Variants in USP13 observed in about 807,000 individuals in gnomAD.
The protein encoded by USP13 is ubiquitin carboxyl-terminal hydrolase 13.
In USP13, 68 loss-of-function variants were observed where a neutral mutation model predicts 107.8. The ratio of observed to expected loss-of-function variants is 0.63; its 90% CI spans 0.52 to 0.77. The LOEUF (loss-of-function observed/expected upper bound fraction) is 0.77. Ranked by LOEUF, USP13 falls within the 30% of genes least tolerant of loss-of-function variation. USP13 has a pLI of 0.00. For missense variants in USP13, 945 were observed against 1,093.3 expected, an observed-to-expected ratio of 0.86 and a Z score of 1.91; for synonymous variants, 377 against 389.5, an observed-to-expected ratio of 0.97 and a Z score of 0.38.
At chr3:179,658,796 C>T (rs1720366811) in intron 1 of USP13, among the ~76,000 whole-genome samples, 1 of 152,120 alleles carries the variant, frequency 6.6e-6, no homozygotes, top group Non-Finnish European at 1.5e-5. Flanking sequence ...GTGGAAAAGC[C>T]CTCGCTCTTC....
intron 4 of USP13, among the ~76,000 whole-genome samples, chr3:179,706,055 A>G (rs559677793): frequency 1.9e-4 from 29 of 152,142 alleles, no homozygotes; most frequent in Non-Finnish European, 3.4e-4. Context: ...TAATGCTATT[A>G]TGAACAGTTG....
At chr3:179,703,959 C>T (rs980186240) in intron 4 of USP13, among the ~76,000 whole-genome samples, 1 of 152,146 alleles carries the variant, frequency 6.6e-6, no homozygotes, top group Non-Finnish European at 1.5e-5. Flanking sequence ...CTCTTATGAG[C>T]CAGTTTGAGC....
At chr3:179,727,163 G>GTTTT in intron 8 of USP13, among the ~76,000 whole-genome samples, 2 of 114,356 alleles carry the variant, frequency 1.7e-5, no homozygotes, top group East Asian at 5.1e-4. Flanking sequence ...AATTTTTAAT[G>GTTTT]TTTTTTTTTT....
chr3:179,722,881 C>T (rs575318945), intron 8 of USP13, among the ~76,000 whole-genome samples: 1 of 152,292 alleles, frequency 6.6e-6, no homozygotes, highest in East Asian at 1.9e-4. Context: ...CCTGACTGTG[C>T]TTGTACAAGA....
chr3:179,668,526 TC>T (rs1249005554), intron 1 of USP13, among the ~76,000 whole-genome samples: 1 of 152,214 alleles, frequency 6.6e-6, no homozygotes, highest in Non-Finnish European at 1.5e-5. Context: ...GTTTGGTTAT[TC>T]CCTGCTATCC....
rs976581478 is a variant in USP13 at position 179,788,749 on chromosome 3, C to G, written c.*4608C>G. ...TATACTTCTATTGGACAGCCCCACTCTAGACTTACATGGTGTGGGGTAGGC... is the reference window on the plus strand; with the variant it reads ...TATACTTCTATTGGACAGCCCCACTGTAGACTTACATGGTGTGGGGTAGGC... On this transcript the variant is annotated 3_prime_UTR_variant, in exon 21 of 21. Coordinates refer to ENST00000263966, the MANE Select transcript of USP13 (RefSeq NM_003940.3). 1 of 152,250 alleles carries G rather than the reference C, an allele frequency of 6.6e-6. No homozygotes were observed. Among genetic ancestry groups the G allele is most frequent in the Non-Finnish European group, 1.5e-5 (1 of 68,008 alleles). The allele number at this position is 152,250 out of a possible 1,614,324, so 9.4% of individuals were successfully genotyped here. A position where few individuals can be genotyped will look rare whatever the true frequency, so the allele number is the denominator to read the frequency against.
At chr3:179,725,029 G>A (rs1713461311) in intron 8 of USP13, among the ~76,000 whole-genome samples, 1 of 152,206 alleles carries the variant, frequency 6.6e-6, no homozygotes, top group Non-Finnish European at 1.5e-5. Flanking sequence ...AGACCAGCCT[G>A]GCCAACATGG....
intron 1 of USP13, among the ~76,000 whole-genome samples, chr3:179,667,653 T>G (rs550143052): frequency 6.6e-6 from 1 of 152,246 alleles, no homozygotes; most frequent in South Asian, 2.1e-4. Flanking sequence ...AGAAGAATGA[T>G]TCTTTTTTTT....
In USP13 at chr3:179,736,496, A is replaced by T. The variant is rs116309124; in HGVS notation, c.1255-3751A>T. On this transcript the variant is annotated intron_variant, in intron 10 of 20. Transcript: ENST00000263966. ...TTGAAGTAGATGAGTTTGAGCTAAG[A>T]TGCTCTAACCCAGCTGTGAACCCCA... Among the ~76,000 whole-genome samples the T allele has an allele frequency of 3.4e-3, 512 of 152,344 alleles. 5 individuals carry two copies. The highest frequency in any genetic ancestry group is 0.011 in the African/African-American group (476 of 41,564).
At chr3:179,732,138 A>G (rs1713830048) in intron 10 of USP13, among the ~76,000 whole-genome samples, 1 of 152,176 alleles carries the variant, frequency 6.6e-6, no homozygotes, top group South Asian at 2.1e-4. Context: ...GAAGAACTGA[A>G]GTTCTCAAGT....
chr3:179,663,294 A>T (rs1175843252), intron 1 of USP13, among the ~76,000 whole-genome samples: 1 of 152,196 alleles, frequency 6.6e-6, no homozygotes, highest in African/African-American at 2.4e-5. Context: ...CTCAAGGTTA[A>T]TCCATGTTGT....
Position 179,670,790 on chromosome 3 carries a change from T to C in USP13, c.169-11088T>C, listed in dbSNP as rs1199333883. Among the ~76,000 whole-genome samples the C allele has an allele frequency of 1.1e-4, 17 of 152,102 alleles. 1 individual carries two copies. In the South Asian group the frequency reaches 3.5e-3, roughly 32 times the overall value. On this transcript the variant is annotated intron_variant, in intron 1 of 20. Coordinates refer to ENST00000263966, the MANE Select transcript of USP13 (RefSeq NM_003940.3). ...TCCGCTCACTGCAACCTCTGCCTCC[T>C]GGGTTCTAGCGATTCTTCTGCCTCA...
intron 10 of USP13, among the ~76,000 whole-genome samples, chr3:179,735,288 T>C (rs1713957094): frequency 6.6e-6 from 1 of 152,228 alleles, no homozygotes; most frequent in Non-Finnish European, 1.5e-5. Flanking sequence ...GTTGGGCCCA[T>C]AGGGGACACT....
At chr3:179,758,444 A>G (rs1714882160) in intron 16 of USP13, among the ~76,000 whole-genome samples, 1 of 152,088 alleles carries the variant, frequency 6.6e-6, no homozygotes, top group Non-Finnish European at 1.5e-5. Context: ...CTTACCAACA[A>G]TCAGGAGAAA....
intron 16 of USP13, among the ~76,000 whole-genome samples, chr3:179,760,344 C>T (rs1000661939): frequency 8.4e-5 from 12 of 142,842 alleles, no homozygotes; most frequent in Admixed American, 2.2e-4. Context: ...ACTGCAGTGG[C>T]GCTATCCCGG....
intron 19 of USP13, among the ~76,000 whole-genome samples, chr3:179,772,910 G>A (rs1025664131): frequency 5.9e-5 from 9 of 152,200 alleles, no homozygotes; most frequent in Admixed American, 2.6e-4. Context: ...ACCTAGGTCT[G>A]TCTTCTCTTT....
chr3:179,698,869 C>A (rs1712406326), intron 3 of USP13, among the ~76,000 whole-genome samples: 1 of 105,060 alleles, frequency 9.5e-6, no homozygotes, highest in African/African-American at 3.3e-5. Flanking sequence ...GGGTTGAATA[C>A]TATTTTTTTT....
chr3:179,699,747 T>TTTTATTTATTTA (rs71628092), intron 3 of USP13, among the ~76,000 whole-genome samples: 90 of 138,040 alleles, frequency 6.5e-4, no homozygotes, highest in African/African-American at 1.5e-3. Flanking sequence ...ATCTTATTTA[T>TTTTATTTATTTA]TTTATTTATT....
chr3:179,761,523 AC>A (rs1715013099), intron 17 of USP13, among the ~76,000 whole-genome samples: 1 of 152,134 alleles, frequency 6.6e-6, no homozygotes, highest in African/African-American at 2.4e-5. Flanking sequence ...AGAGATGAAG[AC>A]CATCCTGGCC....
Sources: allele counts gnomAD v4.1 joint callset (sites outside exome capture counted in the v4.1 genomes callset), GRCh38; gene constraint gnomAD v4.1.1; transcripts MANE v1.5; gene names NCBI Gene and HGNC (gene_info 2026-07-23, HGNC 2026-07-21).